The following GFRA1 variants were observed in gnomAD, a reference collection of about 807,000 sequenced individuals.
The protein encoded by GFRA1 is GDNF family receptor alpha-1.
Under a neutral mutation model 51.6 loss-of-function variants are expected in GFRA1, and 16 were observed. That is an observed-to-expected ratio of 0.31 (90% confidence interval 0.21 to 0.47). GFRA1 has a LOEUF of 0.47. Among genes scored for constraint, GFRA1 ranks in the 20% least tolerant of loss-of-function variants. The pLI is 1.00. For missense variants in GFRA1, 530 were observed against 594.3 expected, an observed-to-expected ratio of 0.89 and a Z score of 1.13; for synonymous variants, 270 against 241.3, an observed-to-expected ratio of 1.12 and a Z score of -1.10.
chr10:116,125,628 T>G (rs1957840274), intron 5 of GFRA1, 71 bp from the exon 6 acceptor site: 1 of 1,220,230 alleles, frequency 8.2e-7, no homozygotes, highest in Non-Finnish European at 1.2e-6. Context: ...CTGTTTTAAT[T>G]GAGATCCTGC....
intron 5 of GFRA1, among the ~76,000 whole-genome samples, chr10:116,129,659 A>C (rs995024632): frequency 6.6e-6 from 1 of 152,130 alleles, no homozygotes; most frequent in African/African-American, 2.4e-5. Context: ...ACATCTCTAA[A>C]GAATCTACAA....
rs1248192510 is a variant in GFRA1, at chr10:116,138,224, T to C, written c.434-12667A>G. ...CTACTAGTACATTATTTCTCGTTCA[T>C]GGAAACAGGTTTTAAGTGTTCCAAA... On this transcript the variant is annotated intron_variant, in intron 5 of 10. Coordinates refer to ENST00000355422, the MANE Select transcript of GFRA1 (RefSeq NM_005264.8). 1.3e-5 allele frequency among the ~76,000 whole-genome samples: 2 copies of C among 152,212 alleles called. 1 individual carries two copies. The highest frequency in any genetic ancestry group is 4.8e-5 in the African/African-American group (2 of 41,462).
rs1399022870 is a variant in GFRA1 at position 116,061,370 on chromosome 10, A to G, written c.*3028T>C. 1 of 152,178 alleles carries G rather than the reference A, an allele frequency of 6.6e-6. No individual in the cohort carries two copies. Among genetic ancestry groups the G allele is most frequent in the Non-Finnish European group, 1.5e-5 (1 of 68,044 alleles). The allele number at this position is 152,178 out of a possible 1,614,324, so 9.4% of individuals were successfully genotyped here. On this transcript the variant is annotated 3_prime_UTR_variant, in exon 11 of 11. Coordinates refer to ENST00000355422, the MANE Select transcript of GFRA1 (RefSeq NM_005264.8). ...TTTTTTTATTACAGACTTGAAAAAA[A>G]TCAGGTATGGAAAAATAAATATGTA...
At chr10:116,198,089 C>A (rs961463506) in intron 5 of GFRA1, among the ~76,000 whole-genome samples, 1 of 152,182 alleles carries the variant, frequency 6.6e-6, no homozygotes, top group Non-Finnish European at 1.5e-5. Context: ...AACTTGTAAT[C>A]CATCCACCAA....
chr10:116,222,963 G>C (rs1966027975), intron 4 of GFRA1, among the ~76,000 whole-genome samples: 1 of 152,086 alleles, frequency 6.6e-6, no homozygotes, highest in Non-Finnish European at 1.5e-5. Context: ...ATGTATTATA[G>C]GTAACCTATA....
chr10:116,151,087 G>A (rs149522816), intron 5 of GFRA1, among the ~76,000 whole-genome samples: 112 of 151,904 alleles, frequency 7.4e-4, no homozygotes, highest in African/African-American at 2.7e-3. Context: ...ACTAAACTGG[G>A]CTCACCACCT....
intron 5 of GFRA1, among the ~76,000 whole-genome samples, chr10:116,181,496 T>G (rs938136854): frequency 4.6e-5 from 7 of 152,198 alleles, no homozygotes; most frequent in Non-Finnish European, 8.8e-5. Flanking sequence ...GGACTGAGCT[T>G]CTTAGTTTAG....
At chr10:116,102,204 G>A (rs541818705) in intron 6 of GFRA1, among the ~76,000 whole-genome samples, 2 of 152,312 alleles carry the variant, frequency 1.3e-5, no homozygotes, top group African/African-American at 2.4e-5. Flanking sequence ...GTAGAAGTGT[G>A]GGGGCTGACT....
chr10:116,269,814 C>G (rs1287115311), intron 3 of GFRA1, among the ~76,000 whole-genome samples: 1 of 152,106 alleles, frequency 6.6e-6, no homozygotes, highest in Non-Finnish European at 1.5e-5. Flanking sequence ...GAGAACAACC[C>G]AGCCCTATCT....
chr10:116,117,684 A>C (rs1246626324), intron 6 of GFRA1, among the ~76,000 whole-genome samples: 1 of 152,018 alleles, frequency 6.6e-6, no homozygotes, highest in Non-Finnish European at 1.5e-5. Context: ...GGAAGTAGAG[A>C]TAGATTGATG....
At chr10:116,119,064 G>A (rs534054722) in intron 6 of GFRA1, among the ~76,000 whole-genome samples, 1 of 152,334 alleles carries the variant, frequency 6.6e-6, no homozygotes, top group African/African-American at 2.4e-5. Flanking sequence ...GGTTACCTCT[G>A]AGAGCCCGAG....
At chr10:116,177,387 C>G (rs1026547534) in intron 5 of GFRA1, among the ~76,000 whole-genome samples, 1 of 152,146 alleles carries the variant, frequency 6.6e-6, no homozygotes, top group Non-Finnish European at 1.5e-5. Context: ...GGCAGACAAG[C>G]TCAGGCCAAG....
rs556261414 is a variant in GFRA1, at chr10:116,170,827, C to CT, written c.433+40803dup. On this transcript the variant is annotated intron_variant, in intron 5 of 10. Transcript: ENST00000355422. ...GTTTAGACCAGACAAAGAACTTCCC[C>CT]TAAAAGCTTATCTGTTCTCCAGGGG... 1.4e-4 allele frequency among the ~76,000 whole-genome samples: 21 copies of CT among 152,296 alleles called. 1 individual carries two copies. In the East Asian group the frequency reaches 3.7e-3, roughly 27 times the overall value.
intron 5 of GFRA1, among the ~76,000 whole-genome samples, chr10:116,179,498 G>T (rs1961995595): frequency 6.6e-6 from 1 of 152,184 alleles, no homozygotes; most frequent in African/African-American, 2.4e-5. Flanking sequence ...CTCATAGCTG[G>T]TAAGTGGTAG....
chr10:116,266,132 T>C (rs1393038653), intron 4 of GFRA1, among the ~76,000 whole-genome samples: 1 of 152,022 alleles, frequency 6.6e-6, no homozygotes, highest in East Asian at 1.9e-4. Context: ...ATGGCTAAAG[T>C]GAATGTGGGT....
chr10:116,260,006 TC>T (rs1247525075), intron 4 of GFRA1, among the ~76,000 whole-genome samples: 1 of 152,112 alleles, frequency 6.6e-6, no homozygotes, highest in Non-Finnish European at 1.5e-5. Flanking sequence ...CTCACTCACC[TC>T]CCCTTTAAAG....
chr10:116,067,892 C>T (rs532073960), intron 9 of GFRA1, among the ~76,000 whole-genome samples: 35 of 152,320 alleles, frequency 2.3e-4, no homozygotes, highest in African/African-American at 8.4e-4. Flanking sequence ...AAATGCATTT[C>T]GATCAGCTCC....
chr10:116,196,645 ATAATATATATATAG>A lies in GFRA1; in HGVS notation c.433+14972_433+14985del, dbSNP rs1203133391. Among the ~76,000 whole-genome samples, 24 of 8,132 alleles carry A rather than the reference ATAATATATATATAG, an allele frequency of 3.0e-3. 3 individuals are homozygous for A. Among genetic ancestry groups the A allele is most frequent in the East Asian group, 0.071 (1 of 14 alleles). 5.3% of individuals were successfully genotyped at this position (8,132 alleles called of 152,430 possible). ...ATATATATAATATATAGTACTATATATAATATATATATAGTACTATATATAATATATATAATATA... is the reference window on the plus strand; with the variant it reads ...ATATATATAATATATAGTACTATATATACTATATATAATATATATAATATA... On this transcript the variant is annotated intron_variant, in intron 5 of 10. Coordinates refer to ENST00000355422, the MANE Select transcript of GFRA1 (RefSeq NM_005264.8).
rs574502395 is a variant in GFRA1, at chr10:116,268,431, C to G, written c.418+1072G>C. Among the ~76,000 whole-genome samples the G allele has an allele frequency of 2.6e-5, 4 of 152,270 alleles. No homozygotes were observed. In the South Asian group the frequency reaches 8.3e-4, roughly 32 times the overall value. On this transcript the variant is annotated intron_variant, in intron 4 of 10. Transcript: ENST00000355422. The stretch of plus-strand genomic sequence containing the variant: ...TGGCTATCTCTAAGATTCATGAAGG[C>G]AAGGTGATGACTGGCTCACTGCCCA...
Sources: allele counts gnomAD v4.1 joint callset (sites outside exome capture counted in the v4.1 genomes callset), GRCh38; gene constraint gnomAD v4.1.1; transcripts MANE v1.5; gene names NCBI Gene and HGNC (gene_info 2026-07-23, HGNC 2026-07-21).